The following PLCH1 variants were observed in gnomAD, a reference collection of about 807,000 sequenced individuals.
PLCH1 encodes phospholipase C eta 1.
In PLCH1, 60 loss-of-function variants were observed where a neutral mutation model predicts 126.7. That is an observed-to-expected ratio of 0.47 (90% CI 0.38 to 0.59). The LOEUF (loss-of-function observed/expected upper bound fraction) is 0.59. PLCH1 is among the 20% of genes least tolerant of loss of function. The probability of loss-of-function intolerance (pLI) is 0.00; values close to 1 mark genes in which losing one functional copy is unlikely to be tolerated. For synonymous variants in PLCH1, 719 were observed against 734.9 expected (o/e 0.98, Z 0.35); for missense variants, 1,723 against 2,040.0 (o/e 0.84, Z 2.99).
chr3:155,477,644 G>T (rs910634644), downstream of PLCH1, among the ~76,000 whole-genome samples: 2 of 152,128 alleles, frequency 1.3e-5, no homozygotes, highest in African/African-American at 2.4e-5. Flanking sequence ...CATATGAAAA[G>T]GTGCTCAACA....
intron 11 of PLCH1, among the ~76,000 whole-genome samples, chr3:155,523,490 T>A (rs1721474740): frequency 6.7e-6 from 1 of 148,860 alleles, no homozygotes; most frequent in Non-Finnish European, 1.5e-5. Flanking sequence ...CAGGTCCACG[T>A]GCAGGTGGGG....
chr3:155,601,496 A>C (rs1014540855), intron 2 of PLCH1, among the ~76,000 whole-genome samples: 4 of 151,990 alleles, frequency 2.6e-5, no homozygotes, highest in Admixed American at 2.0e-4. Flanking sequence ...TATATAATAC[A>C]TATATACATA....
At chr3:155,617,847 G>A (rs1226392310) in intron 2 of PLCH1, among the ~76,000 whole-genome samples, 1 of 152,128 alleles carries the variant, frequency 6.6e-6, no homozygotes, top group African/African-American at 2.4e-5. Context: ...CTAACCTGTG[G>A]TAAGTAAAGA....
intron 2 of PLCH1, among the ~76,000 whole-genome samples, chr3:155,605,574 T>C (rs1346058529): frequency 6.6e-6 from 1 of 152,198 alleles, no homozygotes; most frequent in Non-Finnish European, 1.5e-5. Context: ...GCCTTAAAAA[T>C]CATCTTAAGC....
chr3:155,675,675 T>C (rs1397618744), intron 2 of PLCH1, among the ~76,000 whole-genome samples: 1 of 152,186 alleles, frequency 6.6e-6, no homozygotes, highest in Non-Finnish European at 1.5e-5. Flanking sequence ...GTCAGACAAA[T>C]GAAATTTTTA....
rs758599634 is a variant in PLCH1, at chr3:155,592,495, C to CGTCTCCA, written c.470+1445_470+1446insTGGAGAC. On this transcript the variant is annotated intron_variant, in intron 4 of 22. Coordinates refer to ENST00000460012, the MANE Select transcript of PLCH1 (RefSeq NM_014996.4). ...GGACGACAGAGCAAGACTCCATCTCCAAAAAAAAAAAAAAAATTGTGAGAA... is the reference window on the plus strand; with the variant it reads ...GGACGACAGAGCAAGACTCCATCTCCGTCTCCAAAAAAAAAAAAAAAAATTGTGAGAA... 1.2e-3 allele frequency among the ~76,000 whole-genome samples: 162 copies of CGTCTCCA among 135,916 alleles called. 24 individuals carry two copies. Among genetic ancestry groups the CGTCTCCA allele is most frequent in the Non-Finnish European group, 1.4e-3 (91 of 64,500 alleles). The allele number at this position is 135,916 out of a possible 152,430, so 89.2% of individuals were successfully genotyped here. A position where few individuals can be genotyped will look rare whatever the true frequency, so the allele number is the denominator to read the frequency against.
At chr3:155,679,399 C>A (rs186567326) in intron 2 of PLCH1, among the ~76,000 whole-genome samples, 1 of 152,286 alleles carries the variant, frequency 6.6e-6, no homozygotes, top group Non-Finnish European at 1.5e-5. Context: ...TCAGAGGGCA[C>A]TGCTGAAGAG....
At chr3:155,525,517 T>C (rs144558166) in intron 10 of PLCH1, among the ~76,000 whole-genome samples, 210 of 152,326 alleles carry the variant, frequency 1.4e-3, no homozygotes, top group Non-Finnish European at 2.5e-3. Flanking sequence ...AAGGTGGTTT[T>C]GTTATAGCAG....
intron 10 of PLCH1, among the ~76,000 whole-genome samples, chr3:155,528,411 C>A (rs1177971685): frequency 6.6e-6 from 1 of 152,034 alleles, no homozygotes. Flanking sequence ...TATAATATGG[C>A]AGCACCAGAA....
chr3:155,692,816 G>A (rs561491561), intron 2 of PLCH1, among the ~76,000 whole-genome samples: 61 of 151,986 alleles, frequency 4.0e-4, no homozygotes, highest in Non-Finnish European at 7.9e-4. Context: ...GAGTGCAGTG[G>A]CGCCATCTCC....
At chr3:155,468,219 C>A (rs1431837721) in intron 21 of PLCH1, among the ~76,000 whole-genome samples, 1 of 151,970 alleles carries the variant, frequency 6.6e-6, no homozygotes, top group Non-Finnish European at 1.5e-5. Context: ...ATTTGCAAGC[C>A]TCATGGTAAC....
chr3:155,519,208 T>C (rs1031901516), intron 11 of PLCH1, among the ~76,000 whole-genome samples: 1 of 152,210 alleles, frequency 6.6e-6, no homozygotes, highest in Non-Finnish European at 1.5e-5. Context: ...TCAGGCACCA[T>C]GCACCTGCAG....
Position 155,472,550 on chromosome 3 carries a change from A to C in PLCH1, c.2938+12806T>G, listed in dbSNP as rs1281572492. 2.0e-5 allele frequency among the ~76,000 whole-genome samples: 3 copies of C among 151,958 alleles called. No homozygotes were observed. The East Asian group carries it at 5.8e-4, about 29-fold the overall frequency. ...CTGAAACTATTCCAATCAATAGAAAAAGAGGGAATCCTCCCTAACTCATTT... is the reference window on the plus strand; with the variant it reads ...CTGAAACTATTCCAATCAATAGAAACAGAGGGAATCCTCCCTAACTCATTT... On this transcript the variant is annotated intron_variant, in intron 21 of 21. Transcript: ENST00000494598.
At chr3:155,477,759 A>G (rs532319546), downstream of PLCH1, among the ~76,000 whole-genome samples, 5 of 152,314 alleles carry the variant, frequency 3.3e-5, no homozygotes, top group East Asian at 9.6e-4. Context: ...AATGCTGATG[A>G]GGATGTGGAG....
At chr3:155,581,267 A>T (rs1730621503) in intron 6 of PLCH1, among the ~76,000 whole-genome samples, 1 of 152,218 alleles carries the variant, frequency 6.6e-6, no homozygotes, top group South Asian at 2.1e-4. Flanking sequence ...GAAGGGATCA[A>T]ATTAGGTGAC....
At chr3:155,527,853 G>T (rs1226459427) in intron 10 of PLCH1, among the ~76,000 whole-genome samples, 2 of 148,976 alleles carry the variant, frequency 1.3e-5, no homozygotes, top group Admixed American at 1.3e-4. Context: ...CTGGGAGGCA[G>T]AAGTTGCAGT....
intron 2 of PLCH1, among the ~76,000 whole-genome samples, chr3:155,700,738 C>A (rs1746209372): frequency 6.6e-6 from 1 of 152,020 alleles, no homozygotes; most frequent in African/African-American, 2.4e-5. Context: ...GGTTAAGAAT[C>A]AAGACTGCAT....
At chr3:155,658,913 T>C (rs1741760992) in intron 2 of PLCH1, among the ~76,000 whole-genome samples, 1 of 152,214 alleles carries the variant, frequency 6.6e-6, no homozygotes, top group African/African-American at 2.4e-5. Context: ...TCACAAGTAA[T>C]TAAGAAGTTA....
At chr3:155,719,330 C>T (rs914995889) in intron 1 of PLCH1, among the ~76,000 whole-genome samples, 26 of 151,136 alleles carry the variant, frequency 1.7e-4, no homozygotes, top group African/African-American at 6.3e-4. Context: ...AACACTTGGA[C>T]ACAGGAAGGG....
Sources: gnomAD v4.1 joint callset for allele counts (sites outside exome capture counted in the v4.1 genomes callset) on GRCh38, gnomAD v4.1.1 for gene constraint, MANE v1.5 for transcripts, NCBI Gene and HGNC (gene_info 2026-07-23, HGNC 2026-07-21) for gene names.